The following SHISA9 variants were observed in gnomAD, a reference collection of about 807,000 sequenced individuals.
The protein encoded by SHISA9 is shisa family member 9, also known as protein shisa-9.
SHISA9 carries 13 observed loss-of-function variants against 38.0 expected under a neutral mutation model. The ratio of observed to expected loss-of-function variants is 0.34; its 90% confidence interval spans 0.22 to 0.54. The LOEUF is 0.54. Among genes scored for constraint, SHISA9 ranks in the 20% least tolerant of loss-of-function variants. The pLI, the probability that SHISA9 is intolerant of heterozygous loss-of-function variation, is 0.91. For missense variants in SHISA9, 538 were observed against 575.8 expected, an observed-to-expected ratio of 0.93 and a Z score of 0.67; for synonymous variants, 275 against 242.0, an observed-to-expected ratio of 1.14 and a Z score of -1.27.
chr16:13,296,424 A>AG, the SHISA9 span, among the ~76,000 whole-genome samples: 1 of 151,672 alleles, frequency 6.6e-6, no homozygotes, highest in Non-Finnish European at 1.5e-5. Flanking sequence ...AACAGCACGC[A>AG]GGGGGGAAAA....
At chr16:13,079,979 A>G (rs1412711058) in intron 2 of SHISA9, among the ~76,000 whole-genome samples, 3 of 152,222 alleles carry the variant, frequency 2.0e-5, no homozygotes, top group African/African-American at 7.2e-5. Flanking sequence ...GAAGGAAATC[A>G]AAATATATTG....
intron 2 of SHISA9, among the ~76,000 whole-genome samples, chr16:13,053,834 C>G (rs1178160025): frequency 6.6e-6 from 1 of 152,162 alleles, no homozygotes; most frequent in East Asian, 1.9e-4. Flanking sequence ...TCTGTAATAA[C>G]TCTTGGTGAA....
At chr16:13,338,971 A>G in the SHISA9 span, among the ~76,000 whole-genome samples, 1 of 152,142 alleles carries the variant, frequency 6.6e-6, no homozygotes, top group Non-Finnish European at 1.5e-5. Context: ...CTCTTGGTAC[A>G]TGGAATTTCA....
chr16:13,247,148 A>G, the SHISA9 span, among the ~76,000 whole-genome samples: 1 of 152,110 alleles, frequency 6.6e-6, no homozygotes, highest in Non-Finnish European at 1.5e-5. Flanking sequence ...AGAGTGAGCA[A>G]AGAGGAAATG....
At chr16:12,993,158 G>A (rs2072410190) in intron 2 of SHISA9, among the ~76,000 whole-genome samples, 1 of 152,174 alleles carries the variant, frequency 6.6e-6, no homozygotes, top group African/African-American at 2.4e-5. Context: ...GCATCGGCCT[G>A]TCCGTGAGGC....
At chr16:13,482,989 A>G in the SHISA9 span, among the ~76,000 whole-genome samples, 1 of 152,268 alleles carries the variant, frequency 6.6e-6, no homozygotes, top group East Asian at 1.9e-4. Context: ...AGCAATGTTT[A>G]CTGGGAGCCA....
chr16:13,203,429 C>A lies in SHISA9; in HGVS notation c.727C>A (p.Pro243Thr). ...GATGAACAACGCAGTGCCCACCTCTCCTCTGCTCCAGCAGATGGGCCATCC... is the reference window on the plus strand; with the variant it reads ...GATGAACAACGCAGTGCCCACCTCTACTCTGCTCCAGCAGATGGGCCATCC... ...TQMNNAVPTSPLLQQMGHPHS... is the reference protein window; with the variant it reads ...TQMNNAVPTSTLLQQMGHPHS... Residue 243 changes from proline (P) to threonine (T), a missense_variant, in exon 3 of 5, where the codon CCT becomes ACT. Coordinates refer to ENST00000558583, the MANE Select transcript of SHISA9 (RefSeq NM_001145204.3). 2 of 1,549,852 alleles carry A rather than the reference C, an allele frequency of 1.3e-6. No homozygotes were observed. Among genetic ancestry groups the A allele is most frequent in the African/African-American group, 2.7e-5 (2 of 73,084 alleles).
At chr16:13,075,137 C>G (rs1246763853) in intron 2 of SHISA9, among the ~76,000 whole-genome samples, 1 of 152,308 alleles carries the variant, frequency 6.6e-6, no homozygotes, top group African/African-American at 2.4e-5. Context: ...GTGAGATTAG[C>G]AGAGTCCACA....
intron 2 of SHISA9, among the ~76,000 whole-genome samples, chr16:13,029,663 A>G (rs936744375): frequency 3.9e-5 from 6 of 152,240 alleles, no homozygotes; most frequent in Non-Finnish European, 7.3e-5. Flanking sequence ...GGATGGAACT[A>G]GAGATCATTA....
chr16:13,439,486 T>C, the SHISA9 span, among the ~76,000 whole-genome samples: 2 of 152,218 alleles, frequency 1.3e-5, no homozygotes, highest in African/African-American at 4.8e-5. Flanking sequence ...CTTAAATATA[T>C]ACAATTTTTG....
chr16:13,092,437 C>G (rs190569350), intron 2 of SHISA9, among the ~76,000 whole-genome samples: 9 of 152,344 alleles, frequency 5.9e-5, no homozygotes, highest in Admixed American at 5.2e-4. Context: ...GAGGTGGAAT[C>G]TAGAGGCAGT....
the SHISA9 span, among the ~76,000 whole-genome samples, chr16:13,333,840 A>T: frequency 6.6e-6 from 1 of 152,146 alleles, no homozygotes; most frequent in South Asian, 2.1e-4. Flanking sequence ...TGCCGATATA[A>T]TTTCTGCTTT....
intron 2 of SHISA9, among the ~76,000 whole-genome samples, chr16:12,965,534 G>T (rs931973028): frequency 8.5e-5 from 13 of 152,156 alleles, no homozygotes; most frequent in Non-Finnish European, 1.5e-4. Flanking sequence ...AAGTGATTTG[G>T]AATCAGATGA....
chr16:13,086,395 G>A, intron 2 of SHISA9, among the ~76,000 whole-genome samples: 1 of 145,914 alleles, frequency 6.9e-6, no homozygotes. Flanking sequence ...TATTGTCATT[G>A]AAATTAAATA....
At chr16:13,034,455 A>G (rs2073029460) in intron 2 of SHISA9, among the ~76,000 whole-genome samples, 2 of 152,220 alleles carry the variant, frequency 1.3e-5, no homozygotes, top group South Asian at 4.1e-4. Context: ...GAATTGGAAC[A>G]TAGATATTTG....
At chr16:13,057,662 T>A (rs541831782) in intron 2 of SHISA9, among the ~76,000 whole-genome samples, 7 of 152,318 alleles carry the variant, frequency 4.6e-5, no homozygotes, top group African/African-American at 1.7e-4. Flanking sequence ...AATTTAATTT[T>A]ATTTAAGTTC....
At chr16:13,389,030 C>G in the SHISA9 span, among the ~76,000 whole-genome samples, 4 of 152,182 alleles carry the variant, frequency 2.6e-5, no homozygotes, top group Admixed American at 6.5e-5. Flanking sequence ...TCATTAACAT[C>G]CCCCACCAGA....
chr16:13,089,628 C>T (rs1299403979), intron 2 of SHISA9, among the ~76,000 whole-genome samples: 1 of 152,202 alleles, frequency 6.6e-6, no homozygotes, highest in Non-Finnish European at 1.5e-5. Flanking sequence ...GTTTGTATTT[C>T]TGTGGGATCA....
At chr16:13,397,429 T>TTTG in the SHISA9 span, among the ~76,000 whole-genome samples, 25 of 151,996 alleles carry the variant, frequency 1.6e-4, no homozygotes, top group Admixed American at 1.5e-3. Context: ...TGTTTGTTTG[T>TTTG]TTGTTAGTTT....
Sources: allele counts gnomAD v4.1 joint callset (sites outside exome capture counted in the v4.1 genomes callset), GRCh38; gene constraint gnomAD v4.1.1; transcripts MANE v1.5; gene names NCBI Gene and HGNC (gene_info 2026-07-23, HGNC 2026-07-21).